The following KNL1 variants were observed in gnomAD, a reference collection of about 807,000 sequenced individuals.
KNL1 encodes outer kinetochore KNL1 complex subunit KNL1.
In KNL1, 66 loss-of-function variants were observed where a neutral mutation model predicts 201.3. The observed-to-expected ratio is 0.33, with a 90% CI of 0.27 to 0.40. The LOEUF (loss-of-function observed/expected upper bound fraction) is 0.40, where lower values mean the gene tolerates loss of function less well. Ranked by LOEUF, KNL1 falls within the 10% of genes least tolerant of loss-of-function variation. The pLI is 1.00. For synonymous variants in KNL1, 895 were observed against 899.2 expected (o/e 1.00, Z 0.08); for missense variants, 2,815 against 2,690.5 (o/e 1.05, Z -1.02).
Position 40,622,486 on chromosome 15 carries a change from G to T in KNL1, c.2222G>T (p.Ser741Ile), listed in dbSNP as rs1394015278. The change falls in exon 10 of 26, where the codon AGC (serine) becomes ATC (isoleucine). Residue 741 changes from serine to isoleucine, a missense_variant. Ser to Ile is a moderately radical substitution (Grantham distance 142). Transcript: ENST00000399668. ...GCTGAGCCACTGAGGAAAAGTTTAA[G>T]CAATCCCACACCTGACTATTGCCAT... ...KLAEPLRKSL[S>I]NPTPDYCHDK... 6.2e-7 allele frequency: 1 copy of T among 1,614,014 alleles called. No homozygotes were observed. The highest frequency in any genetic ancestry group is 1.1e-5 in the South Asian group (1 of 91,078).
In KNL1 at chr15:40,643,476, T is replaced by G. The variant is rs1234313931; in HGVS notation, c.5799-1521T>G. Among the ~76,000 whole-genome samples, 5 of 152,266 alleles carry G rather than the reference T, an allele frequency of 3.3e-5. No individual in the cohort carries two copies. The East Asian group carries it at 9.6e-4, about 29-fold the overall frequency. ...ACCGCGCCTGGCCGGGAACTTTTAT[T>G]AAAATAATACATAAAAAAATTAGCT... On this transcript the variant is annotated intron_variant, in intron 14 of 25. Transcript: ENST00000399668.
chr15:40,651,309 A>G (rs1019028017), intron 19 of KNL1, among the ~76,000 whole-genome samples, 162 bp from the exon 20 acceptor site: 8 of 151,594 alleles, frequency 5.3e-5, no homozygotes, highest in Admixed American at 2.6e-4. Context: ...AAAAAAAAAA[A>G]AAACTAAACT....
intron 14 of KNL1, among the ~76,000 whole-genome samples, chr15:40,642,676 G>A (rs1893266185): frequency 6.6e-6 from 1 of 152,154 alleles, no homozygotes; most frequent in Non-Finnish European, 1.5e-5. Flanking sequence ...TGCCCAGGCT[G>A]GAGTGCAGTA....
chr15:40,634,573 A>G (rs553747996), intron 13 of KNL1, among the ~76,000 whole-genome samples: 1 of 151,768 alleles, frequency 6.6e-6, no homozygotes, highest in Non-Finnish European at 1.5e-5. Context: ...TGGGCACACA[A>G]CTCTTTTGGG....
At chr15:40,635,984 C>T (rs1893045950) in intron 13 of KNL1, among the ~76,000 whole-genome samples, 1 of 152,110 alleles carries the variant, frequency 6.6e-6, no homozygotes, top group Non-Finnish European at 1.5e-5. Flanking sequence ...ATTGCAGGCA[C>T]CTACCACCAT....
intron 21 of KNL1, among the ~76,000 whole-genome samples, chr15:40,654,429 G>A (rs866385789): frequency 3.5e-5 from 5 of 142,116 alleles, no homozygotes; most frequent in African/African-American, 1.6e-4. Context: ...CAATGTAGTT[G>A]AACAGTCTCA....
chr15:40,661,758 C>T (rs186085978), intron 25 of KNL1, among the ~76,000 whole-genome samples: 33 of 151,492 alleles, frequency 2.2e-4, no homozygotes, highest in African/African-American at 7.0e-4. Context: ...AATTGATTAA[C>T]CTGGCTGGGC....
intron 17 of KNL1, among the ~76,000 whole-genome samples, chr15:40,648,746 A>G (rs1261286234): frequency 2.6e-5 from 4 of 152,126 alleles, no homozygotes; most frequent in South Asian, 4.2e-4. Flanking sequence ...CAGATTAATA[A>G]TTATGAAAGA....
At chr15:40,604,201 CTT>C in intron 2 of KNL1, among the ~76,000 whole-genome samples, 1 of 72,842 alleles carries the variant, frequency 1.4e-5, no homozygotes, top group South Asian at 3.4e-4. Flanking sequence ...TCTCCTATCT[CTT>C]CAATTTAAGG....
chr15:40,625,415 T>G lies in KNL1; in HGVS notation c.5151T>G (p.Pro1717=), dbSNP rs74377704. Reference sequence around the variant, plus strand: ...AATATATAAATGAGGAAAATCTTCCTGTATATCCTGATGAGATCAATTCTT... The same window carrying G: ...AATATATAAATGAGGAAAATCTTCCGGTATATCCTGATGAGATCAATTCTT... The part of the protein sequence containing the change: ...PSQYINEENL[P]VYPDEINSSD... Residue 1717 remains proline (P), a synonymous_variant, in exon 10 of 26, where the codon CCT becomes CCG. Transcript: ENST00000399668. 1 of 1,613,752 alleles carries G rather than the reference T, an allele frequency of 6.2e-7. No individual in the cohort carries two copies. Among genetic ancestry groups the G allele is most frequent in the African/African-American group, 1.3e-5 (1 of 74,904 alleles).
At chr15:40,625,679 T>G (rs1021000313) in intron 10 of KNL1, 39 bp downstream of exon 10, 6 of 1,542,984 alleles carry the variant, frequency 3.9e-6, no homozygotes, top group East Asian at 4.5e-5. Flanking sequence ...TCTTGAATTT[T>G]GGGTTTTGTT....
chr15:40,632,812 G>A (rs1892950477), intron 13 of KNL1, among the ~76,000 whole-genome samples: 1 of 152,076 alleles, frequency 6.6e-6, no homozygotes, highest in Non-Finnish European at 1.5e-5. Context: ...TTGAGCTCAG[G>A]AGTTTGAGAC....
intron 4 of KNL1, among the ~76,000 whole-genome samples, chr15:40,607,918 C>A (rs144055249): frequency 2.8e-4 from 42 of 151,282 alleles, no homozygotes; most frequent in African/African-American, 9.7e-4. Context: ...AATAGAATTG[C>A]CATATGATCC....
At chr15:40,632,917 C>A (rs372311198) in intron 13 of KNL1, among the ~76,000 whole-genome samples, 1 of 151,948 alleles carries the variant, frequency 6.6e-6, no homozygotes, top group Non-Finnish European at 1.5e-5. Flanking sequence ...AAATAAAATA[C>A]GACCCAATTT....
At position 40,651,534 on chromosome 15, in the gene KNL1, A is replaced by G; in HGVS notation, c.6276A>G (p.Lys2092=). Reference sequence around the variant, plus strand: ...TTGCTCAAATAGACTTTATGCAAAAACAAAGAAATAGAACTGAAGAGCTAC... The same window carrying G: ...TTGCTCAAATAGACTTTATGCAAAAGCAAAGAAATAGAACTGAAGAGCTAC... ...QTLAQIDFMQ[K]QRNRTEELLD... Residue 2092 remains lysine (K), a synonymous_variant, in exon 20 of 26, where the codon AAA becomes AAG. Coordinates refer to ENST00000399668, the MANE Select transcript of KNL1 (RefSeq NM_144508.5). The G allele has an allele frequency of 6.2e-7, 1 of 1,610,224 alleles. No homozygotes were observed. The highest frequency in any genetic ancestry group is 8.5e-7 in the Non-Finnish European group (1 of 1,178,782).
intron 14 of KNL1, among the ~76,000 whole-genome samples, chr15:40,643,647 G>A (rs1011460665): frequency 1.3e-4 from 20 of 152,208 alleles, no homozygotes; most frequent in Admixed American, 1.1e-3. Flanking sequence ...GTGAGACTCC[G>A]TCTCAAAAAA....
In KNL1 at chr15:40,625,347, G is replaced by T; in HGVS notation, c.5083G>T (p.Gly1695Cys). 1 of 1,614,072 alleles carries T rather than the reference G, an allele frequency of 6.2e-7. No homozygotes were observed. The highest frequency in any genetic ancestry group is 8.5e-7 in the Non-Finnish European group (1 of 1,179,992). The change falls in exon 10 of 26, where the codon GGC (glycine) becomes TGC (cysteine). Residue 1695 changes from glycine to cysteine, a missense_variant. Gly to Cys is a radical substitution (Grantham distance 159, BLOSUM62 -3). This residue lies in a region of KNL1 where 2,464 missense variants were observed against 2,291.7 expected (regional missense o/e 1.08). Coordinates refer to ENST00000399668, the MANE Select transcript of KNL1 (RefSeq NM_144508.5). Reference protein sequence around the residue: ...ETQPVSSKDSGIGSVAGKLNL... With the variant: ...ETQPVSSKDSCIGSVAGKLNL... ...TCAGCCGGTCTCTAGCAAAGATTCAGGCATTGGATCTGTTGCAGGTAAACT... is the reference window on the plus strand; with the variant it reads ...TCAGCCGGTCTCTAGCAAAGATTCATGCATTGGATCTGTTGCAGGTAAACT...
intron 5 of KNL1, among the ~76,000 whole-genome samples, chr15:40,609,558 A>T (rs900207651): frequency 6.6e-6 from 1 of 152,206 alleles, no homozygotes; most frequent in Non-Finnish European, 1.5e-5. Flanking sequence ...ATCCCTTCCT[A>T]TGGAGTCCAT....
At chr15:40,601,859 CTT>C (rs36046773) in intron 1 of KNL1, among the ~76,000 whole-genome samples, 52 of 64,612 alleles carry the variant, frequency 8.0e-4, no homozygotes, top group African/African-American at 3.2e-3. Flanking sequence ...AAAAATGCAT[CTT>C]TTTTTTTTTT....
Sources: gnomAD v4.1 joint callset for allele counts (sites outside exome capture counted in the v4.1 genomes callset) on GRCh38, gnomAD v4.1.1 for gene constraint, gnomAD v4.1.1 regional missense constraint, MANE v1.5 for transcripts, NCBI Gene and HGNC (gene_info 2026-07-23, HGNC 2026-07-21) for gene names.